The following LRP1B variants were observed in gnomAD, a reference collection of about 807,000 sequenced individuals.
LRP1B encodes the protein LDL receptor related protein 1B.
Under a neutral mutation model 556.6 loss-of-function variants are expected in LRP1B, and 217 were observed. The ratio of observed to expected loss-of-function variants is 0.39; its 90% CI spans 0.35 to 0.44. The LOEUF (loss-of-function observed/expected upper bound fraction) is 0.44. LRP1B is among the 20% of genes least tolerant of loss of function. The probability of loss-of-function intolerance (pLI) is 1.00; values close to 1 mark genes in which losing one functional copy is unlikely to be tolerated. For synonymous variants in LRP1B, 2,047 were observed against 1,865.8 expected (o/e 1.10, Z -2.50); for missense variants, 5,053 against 5,620.8 (o/e 0.90, Z 3.23).
intron 43 of LRP1B, among the ~76,000 whole-genome samples, chr2:140,573,414 CTA>C (rs1681404492): frequency 6.6e-6 from 1 of 151,806 alleles, no homozygotes; most frequent in Non-Finnish European, 1.5e-5. Context: ...TCCCAACAGA[CTA>C]TGCAGTATTT....
intron 11 of LRP1B, among the ~76,000 whole-genome samples, chr2:141,023,495 C>A (rs866374942): frequency 6.6e-6 from 1 of 151,830 alleles, no homozygotes; most frequent in African/African-American, 2.4e-5. Context: ...ATACTTTAGA[C>A]TAGACCAAAT....
At chr2:140,756,022 C>G (rs1688731797) in intron 35 of LRP1B, among the ~76,000 whole-genome samples, 1 of 151,512 alleles carries the variant, frequency 6.6e-6, no homozygotes, top group Non-Finnish European at 1.5e-5. Flanking sequence ...GATAGAAGAT[C>G]AAAATACAAA....
intron 2 of LRP1B, among the ~76,000 whole-genome samples, chr2:141,646,458 T>C (rs1689567893): frequency 6.6e-6 from 1 of 152,148 alleles, no homozygotes; most frequent in African/African-American, 2.4e-5. Context: ...TACACAGTGC[T>C]GTGCTATGTG....
At chr2:140,701,267 A>C (rs1219228546) in intron 40 of LRP1B, among the ~76,000 whole-genome samples, 1 of 152,142 alleles carries the variant, frequency 6.6e-6, no homozygotes, top group Non-Finnish European at 1.5e-5. Context: ...TAAGTTTAGA[A>C]TAAATATTTT....
intron 2 of LRP1B, among the ~76,000 whole-genome samples, chr2:141,725,762 G>C (rs1693005723): frequency 6.6e-6 from 1 of 151,680 alleles, no homozygotes; most frequent in South Asian, 2.1e-4. Context: ...GGATGTAGCT[G>C]AGAGAACACA....
At chr2:140,871,602 A>T (rs1158955066) in intron 25 of LRP1B, among the ~76,000 whole-genome samples, 1 of 151,480 alleles carries the variant, frequency 6.6e-6, no homozygotes, top group Non-Finnish European at 1.5e-5. Context: ...GGTTTCTATT[A>T]GTTATTTTTT....
At chr2:141,642,061 T>A (rs1013163160) in intron 2 of LRP1B, among the ~76,000 whole-genome samples, 17 of 152,112 alleles carry the variant, frequency 1.1e-4, no homozygotes, top group African/African-American at 4.1e-4. Context: ...ATTTCCGCTC[T>A]GCCATTTACT....
intron 4 of LRP1B, among the ~76,000 whole-genome samples, chr2:141,250,374 C>G (rs1684216213): frequency 6.6e-6 from 1 of 152,028 alleles, no homozygotes; most frequent in Non-Finnish European, 1.5e-5. Flanking sequence ...AGAAAGGGGA[C>G]TGGGGGTTGG....
chr2:141,516,851 C>G (rs564233061), intron 2 of LRP1B, among the ~76,000 whole-genome samples: 1 of 151,504 alleles, frequency 6.6e-6, no homozygotes, highest in Admixed American at 6.6e-5. Context: ...GCACATGCCA[C>G]CATGCCTGGC....
intron 3 of LRP1B, 57 bp downstream of exon 3, chr2:141,480,339 T>G: frequency 1.9e-6 from 3 of 1,591,804 alleles, no homozygotes; most frequent in South Asian, 2.2e-5. Flanking sequence ...TTCTTTGAAC[T>G]TTCATTACTA....
chr2:141,142,880 G>A (rs1022038759), intron 7 of LRP1B, among the ~76,000 whole-genome samples: 16 of 147,990 alleles, frequency 1.1e-4, no homozygotes, highest in African/African-American at 4.0e-4. Context: ...CCCCAAGTTT[G>A]AATGAGTGAA....
At chr2:141,084,816 A>T (rs1449725854) in intron 7 of LRP1B, among the ~76,000 whole-genome samples, 5 of 151,762 alleles carry the variant, frequency 3.3e-5, no homozygotes, top group Non-Finnish European at 7.4e-5. Flanking sequence ...CGCCCGGCTA[A>T]TTTTTTGTAT....
chr2:141,988,071 T>C (rs1222614779), intron 1 of LRP1B, among the ~76,000 whole-genome samples: 2 of 151,890 alleles, frequency 1.3e-5, no homozygotes, highest in East Asian at 1.9e-4. Flanking sequence ...CTTAAGGGTA[T>C]AGAATCAATA....
chr2:140,798,421 T>G (rs1238620297), intron 32 of LRP1B, among the ~76,000 whole-genome samples: 1 of 152,170 alleles, frequency 6.6e-6, no homozygotes, highest in Non-Finnish European at 1.5e-5. Context: ...TACAAGAAAC[T>G]TTTATACCAT....
intron 1 of LRP1B, among the ~76,000 whole-genome samples, chr2:141,935,374 A>G (rs978880575): frequency 9.9e-5 from 15 of 152,190 alleles, no homozygotes; most frequent in African/African-American, 3.6e-4. Context: ...TAGTGTTTTA[A>G]GTTATTCATT....
intron 1 of LRP1B, among the ~76,000 whole-genome samples, chr2:141,826,420 C>T (rs1041601612): frequency 2.3e-5 from 3 of 133,234 alleles, no homozygotes; most frequent in Non-Finnish European, 4.6e-5. Flanking sequence ...AGTGCAGTGG[C>T]GCCATCTCGG....
At chr2:141,855,386 A>G (rs1470902777) in intron 1 of LRP1B, among the ~76,000 whole-genome samples, 1 of 152,138 alleles carries the variant, frequency 6.6e-6, no homozygotes, top group Non-Finnish European at 1.5e-5. Context: ...TAAGACAAGA[A>G]GGAGAGCTGA....
rs1031031713 is a variant in LRP1B, at chr2:140,919,879, G to A, written c.3319+3086C>T. 2.6e-5 allele frequency among the ~76,000 whole-genome samples: 4 copies of A among 152,036 alleles called. 1 individual carries two copies. Among genetic ancestry groups the A allele is most frequent in the South Asian group, 4.2e-4 (2 of 4,818 alleles). On this transcript the variant is annotated intron_variant, in intron 21 of 90. Coordinates refer to ENST00000389484, the MANE Select transcript of LRP1B (RefSeq NM_018557.3). ...GTTTTAATGACATTAGAATACTTGC[G>A]TGAATACACAACCATTTATTACCAT... is the stretch of plus-strand genomic sequence containing the variant.
At chr2:141,127,138 C>A (rs563753124) in intron 7 of LRP1B, among the ~76,000 whole-genome samples, 1 of 152,090 alleles carries the variant, frequency 6.6e-6, no homozygotes, top group East Asian at 1.9e-4. Flanking sequence ...TGTTAGCTTG[C>A]TGAGAATGAT....
Sources: gnomAD v4.1 joint callset for allele counts (sites outside exome capture counted in the v4.1 genomes callset) on GRCh38, gnomAD v4.1.1 for gene constraint, MANE v1.5 for transcripts, NCBI Gene and HGNC (gene_info 2026-07-23, HGNC 2026-07-21) for gene names.